Variants in ACOX3 observed in about 807,000 individuals in gnomAD.
ACOX3 encodes peroxisomal acyl-coenzyme A oxidase 3.
Under a neutral mutation model 81.5 loss-of-function variants are expected in ACOX3, and 73 were observed. The observed-to-expected ratio is 0.90, with a 90% CI of 0.74 to 1.09. ACOX3 has a LOEUF of 1.09. Among genes scored for constraint, ACOX3 ranks in the 50% least tolerant of loss-of-function variants. The pLI is 0.00. For synonymous variants in ACOX3, 387 were observed against 375.1 expected (o/e 1.03, Z -0.37); for missense variants, 947 against 928.0 (o/e 1.02, Z -0.27).
Position 8,381,467 on chromosome 4 carries a change from G to A in ACOX3, c.1653+25C>T, listed in dbSNP as rs932978356. The A allele has an allele frequency of 6.3e-7, 1 of 1,595,446 alleles. No homozygotes were observed. The highest frequency in any genetic ancestry group is 8.6e-7 in the Non-Finnish European group (1 of 1,163,984). ...GGAATTAAGAGCAAATAATACAAAAGGGAATTTTGAAAACAAATACTTACC... is the reference window on the plus strand; with the variant it reads ...GGAATTAAGAGCAAATAATACAAAAAGGAATTTTGAAAACAAATACTTACC... On this transcript the variant is annotated intron_variant, in intron 14 of 17. Transcript: ENST00000356406. This position sits in a 1 kb window ranked among gnomAD's most constrained non-coding sequence, Gnocchi z 4.3.
At position 8,407,441 on chromosome 4, in the gene ACOX3, A is replaced by T. The variant is rs544226052; in HGVS notation, c.688-1398T>A. Among the ~76,000 whole-genome samples, 1 of 152,338 alleles carries T rather than the reference A, an allele frequency of 6.6e-6. No individual in the cohort carries two copies. Among genetic ancestry groups the T allele is most frequent in the East Asian group, 1.9e-4 (1 of 5,184 alleles). On this transcript the variant is annotated intron_variant, in intron 6 of 17. Coordinates refer to ENST00000356406, the MANE Select transcript of ACOX3 (RefSeq NM_003501.3). This position sits in a 1 kb window ranked among gnomAD's most constrained non-coding sequence, Gnocchi z 4.6. ...GGGGCCACCAGGAGCTGAAAGAGATAGGAAGGATCCTCCCCTAGAGCCTTT... is the reference window on the plus strand; with the variant it reads ...GGGGCCACCAGGAGCTGAAAGAGATTGGAAGGATCCTCCCCTAGAGCCTTT...
rs3068615 is a variant in ACOX3, at chr4:8,400,250, C to CAAT, written c.777-601_777-599dup. Among the ~76,000 whole-genome samples, 3,866 of 146,238 alleles carry CAAT rather than the reference C, an allele frequency of 0.026. 67 individuals are homozygous for CAAT. Among genetic ancestry groups the CAAT allele is most frequent in the Middle Eastern group, 0.058 (16 of 278 alleles). On this transcript the variant is annotated intron_variant, in intron 7 of 17. Coordinates refer to ENST00000356406, the MANE Select transcript of ACOX3 (RefSeq NM_003501.3). The surrounding 1 kb of genome is among the most constrained non-coding windows in gnomAD (Gnocchi z 4.4). ...TTGGTGACAGAGCAAGACTCCACCT[C>CAAT]AATAATAATAATAATAATAATAATA...
intron 1 of ACOX3, among the ~76,000 whole-genome samples, chr4:8,427,448 AC>A (rs1045145614): frequency 2.6e-5 from 4 of 151,672 alleles, no homozygotes; most frequent in African/African-American, 9.7e-5. Flanking sequence ...GCTGACTTCC[AC>A]CCCCCTCCAG....
chr4:8,367,782 C>G (rs1182676346), intron 17 of ACOX3, among the ~76,000 whole-genome samples: 1 of 107,748 alleles, frequency 9.3e-6, no homozygotes, highest in African/African-American at 3.6e-5. Flanking sequence ...CCAGCCTGGG[C>G]AACACGGCGA....
chr4:8,358,747 G>A, the ACOX3 span, among the ~76,000 whole-genome samples: 2 of 152,150 alleles, frequency 1.3e-5, no homozygotes, highest in Admixed American at 1.3e-4. Context: ...CCATGGCAAC[G>A]TCAGGATGCT....
At chr4:8,395,618 A>T (rs1218885027) in intron 9 of ACOX3, among the ~76,000 whole-genome samples, 1 of 152,260 alleles carries the variant, frequency 6.6e-6, no homozygotes, top group Non-Finnish European at 1.5e-5. Context: ...AAGAGCACAG[A>T]AAGGCTAAGG....
rs964700560 is a variant in ACOX3, at chr4:8,381,935, G to A, written c.1538-328C>T. Among the ~76,000 whole-genome samples the A allele has an allele frequency of 1.3e-5, 2 of 152,232 alleles. No homozygotes were observed. Among genetic ancestry groups the A allele is most frequent in the Admixed American group, 1.3e-4 (2 of 15,284 alleles). ...CCGAGTGGGACGGCTGCACGTTCTC[G>A]CACGCACCAGGCTCGGTCTGTGTGA... On this transcript the variant is annotated intron_variant, in intron 13 of 17. Coordinates refer to ENST00000356406, the MANE Select transcript of ACOX3 (RefSeq NM_003501.3). The surrounding 1 kb of genome is among the most constrained non-coding windows in gnomAD (Gnocchi z 4.3).
intron 17 of ACOX3, among the ~76,000 whole-genome samples, chr4:8,367,761 G>A (rs563837578): frequency 5.5e-5 from 7 of 128,210 alleles, no homozygotes; most frequent in African/African-American, 2.1e-4. Context: ...CTGGAGCTCA[G>A]GAGCTTGAGA....
intron 5 of ACOX3, 114 bp from the exon 6 acceptor site, chr4:8,410,469 G>T: frequency 7.2e-7 from 1 of 1,382,450 alleles, no homozygotes; most frequent in Non-Finnish European, 9.9e-7. Context: ...TGAGGCAAGA[G>T]TTGAAACTAA....
intron 13 of ACOX3, among the ~76,000 whole-genome samples, chr4:8,387,054 T>C (rs977399433): frequency 2.0e-5 from 3 of 152,240 alleles, no homozygotes; most frequent in African/African-American, 7.2e-5. Flanking sequence ...GTCTCCTGAA[T>C]GCAAAGCCAA....
At chr4:8,409,551 G>A (rs371580068) in intron 6 of ACOX3, among the ~76,000 whole-genome samples, 30 of 150,420 alleles carry the variant, frequency 2.0e-4, no homozygotes, top group East Asian at 2.0e-3. Context: ...CTGTGGGGAG[G>A]GCTGTGGGAT....
intron 6 of ACOX3, among the ~76,000 whole-genome samples, chr4:8,408,543 C>T (rs1017429609): frequency 3.9e-5 from 6 of 152,274 alleles, no homozygotes; most frequent in East Asian, 1.9e-4. Context: ...AAATCAGACA[C>T]GCCGAAAGCT....
At position 8,410,320 on chromosome 4, in the gene ACOX3, G is replaced by C; in HGVS notation, c.579C>G (p.Ala193=). The C allele has an allele frequency of 6.2e-7, 1 of 1,614,080 alleles. No individual in the cohort carries two copies. The highest frequency in any genetic ancestry group is 8.5e-7 in the Non-Finnish European group (1 of 1,179,984). ...TGCCCATGTTGCCAACCCAAAACTT[G>C]GCAGCTTCGAAATCAGGGGAATGTA... The part of the protein sequence containing the change: ...FIIHSPDFEA[A]KFWVGNMGKT... The change falls in exon 6 of 18, where the codon GCC becomes GCG. Residue 193 remains alanine (A), a synonymous_variant. Transcript: ENST00000356406.
chr4:8,360,851 G>A, the ACOX3 span, among the ~76,000 whole-genome samples: 6 of 152,180 alleles, frequency 3.9e-5, no homozygotes, highest in South Asian at 4.2e-4. Flanking sequence ...AGTTAGCCAC[G>A]CCCCTAGCTA....
chr4:8,409,411 G>A (rs951510363), intron 6 of ACOX3, among the ~76,000 whole-genome samples: 2 of 148,198 alleles, frequency 1.3e-5, no homozygotes, highest in African/African-American at 5.0e-5. Context: ...TACACTGTGG[G>A]TGGGGCTGCC....
the ACOX3 span, chr4:8,356,282 T>C: frequency 2.8e-6 from 1 of 353,002 alleles, no homozygotes; most frequent in Non-Finnish European, 5.6e-6. Flanking sequence ...TGCTCCCTCA[T>C]CCCCACTTGT....
chr4:8,367,806 C>CAAA (rs535574857), intron 17 of ACOX3, among the ~76,000 whole-genome samples: 2,724 of 46,638 alleles, frequency 0.058, 702 homozygotes, highest in Non-Finnish European at 0.076. Context: ...CCCATCTTTA[C>CAAA]AAAAAAAAAA....
rs572063146 is a variant in ACOX3 at position 8,389,770 on chromosome 4, C to T, written c.1301-36G>A. 4.8e-5 allele frequency: 77 copies of T among 1,608,096 alleles called. 1 individual carries two copies. The highest frequency in any genetic ancestry group is 1.7e-4 in the Middle Eastern group (1 of 6,050). ...GCCACAATAGTACCATCATTTAAGA[C>T]GCATATTTGAGAAGCAGCCTGTCAC... is the stretch of plus-strand genomic sequence containing the variant. On this transcript the variant is annotated intron_variant, in intron 11 of 17. Transcript: ENST00000356406. The surrounding 1 kb of genome is among the most constrained non-coding windows in gnomAD (Gnocchi z 5.3).
In ACOX3 at chr4:8,432,178, T is replaced by C. The variant is rs540363832; in HGVS notation, c.-15+8470A>G. Among the ~76,000 whole-genome samples the C allele has an allele frequency of 6.6e-6, 1 of 152,310 alleles. No homozygotes were observed. The highest frequency in any genetic ancestry group is 1.9e-4 in the East Asian group (1 of 5,174). On this transcript the variant is annotated intron_variant, in intron 1 of 17. Transcript: ENST00000356406. The surrounding 1 kb of genome is among the most constrained non-coding windows in gnomAD (Gnocchi z 6.2). Reference sequence around the variant, plus strand: ...GAGTTGTGGAACATAAATGTGGTTTTGTACAAGATGCACAAACAAATGGCT... The same window carrying C: ...GAGTTGTGGAACATAAATGTGGTTTCGTACAAGATGCACAAACAAATGGCT...
Sources: gnomAD v4.1 joint callset for allele counts (sites outside exome capture counted in the v4.1 genomes callset) on GRCh38, gnomAD v4.1.1 for gene constraint, Gnocchi (gnomAD v3.1) non-coding constraint, MANE v1.5 for transcripts, NCBI Gene and HGNC (gene_info 2026-07-23, HGNC 2026-07-21) for gene names.